RRP1B: variants seen among roughly 807,000 people sequenced by gnomAD.
RRP1B encodes ribosomal RNA processing protein 1 homolog B.
RRP1B carries 56 observed loss-of-function variants against 80.2 expected under a neutral mutation model. The ratio of observed to expected loss-of-function variants is 0.70; its 90% CI spans 0.56 to 0.87. The LOEUF (loss-of-function observed/expected upper bound fraction) is 0.87, where lower values mean the gene tolerates loss of function less well. Ranked by LOEUF, RRP1B falls within the 40% of genes least tolerant of loss-of-function variation. The pLI is 0.00. For synonymous variants in RRP1B, 351 were observed against 357.6 expected (o/e 0.98, Z 0.21); for missense variants, 807 against 939.8 (o/e 0.86, Z 1.85).
chr21:43,671,818 T>G (rs1349166488), intron 2 of RRP1B, among the ~76,000 whole-genome samples: 1 of 152,122 alleles, frequency 6.6e-6, no homozygotes, highest in Non-Finnish European at 1.5e-5. Context: ...CTCGAGTAGC[T>G]GGAACTACAG....
Position 43,695,824 on chromosome 21 carries a change from C to G in RRP1B, c.*2441C>G, listed in dbSNP as rs2147181738. 6.6e-6 allele frequency: 1 copy of G among 152,314 alleles called. No individual in the cohort carries two copies. The highest frequency in any genetic ancestry group is 2.1e-4 in the South Asian group (1 of 4,826). The allele number at this position is 152,314 out of a possible 1,614,324, so 9.4% of individuals were successfully genotyped here. ...TTGTACAATTAGGTATCTGACTTTA[C>G]AAGTTTGTTATCCTTTCTAATTTTT... On this transcript the variant is annotated 3_prime_UTR_variant, in exon 16 of 16. Coordinates refer to ENST00000340648, the MANE Select transcript of RRP1B (RefSeq NM_015056.3).
At chr21:43,663,184 G>T (rs1212326422) in intron 1 of RRP1B, among the ~76,000 whole-genome samples, 1 of 152,158 alleles carries the variant, frequency 6.6e-6, no homozygotes, top group Non-Finnish European at 1.5e-5. Context: ...TGGTGAGAGT[G>T]GCTGTTGGAT....
chr21:43,689,916 A>C (rs949325793), intron 13 of RRP1B, among the ~76,000 whole-genome samples: 1 of 152,266 alleles, frequency 6.6e-6, no homozygotes, highest in Non-Finnish European at 1.5e-5. Flanking sequence ...CCACATGGGC[A>C]TCACTGTCCT....
intron 13 of RRP1B, 66 bp downstream of exon 13, chr21:43,688,306 C>G: frequency 6.8e-7 from 1 of 1,463,614 alleles, no homozygotes; most frequent in Non-Finnish European, 9.1e-7. Context: ...TGGGGCTCCA[C>G]TGCCTCCTGA....
At chr21:43,676,125 A>T in intron 6 of RRP1B, 147 bp from the exon 7 acceptor site, 1 of 602,644 alleles carries the variant, frequency 1.7e-6, no homozygotes, top group Non-Finnish European at 2.9e-6. Context: ...CTTCTGTGGC[A>T]TTCCACAGGG....
In RRP1B at chr21:43,676,328, G is replaced by T. The variant is rs1568957248; in HGVS notation, c.606G>T (p.Lys202Asn). The T allele has an allele frequency of 6.2e-7, 1 of 1,610,514 alleles. No homozygotes were observed. Among genetic ancestry groups the T allele is most frequent in the Admixed American group, 1.7e-5 (1 of 59,826 alleles). ...FIDPFCKIAA[K>N]TKDHTLVQTI... is the part of the protein sequence containing the mutation. ...ATCCATTCTGCAAAATTGCTGCGAA[G>T]ACGAAGGAGTAAGTGATTCCCCTGT... Residue 202 changes from lysine to asparagine, a missense_variant, in exon 7 of 16, where the codon AAG becomes AAT. Transcript: ENST00000340648.
chr21:43,689,228 G>A (rs1462664511), intron 13 of RRP1B, among the ~76,000 whole-genome samples: 1 of 152,266 alleles, frequency 6.6e-6, no homozygotes, highest in Non-Finnish European at 1.5e-5. Flanking sequence ...TAGAGACAGA[G>A]ACCTGCGGTC....
rs563209058 is a variant in RRP1B, at chr21:43,691,660, G to C, written c.2083+158G>C. On this transcript the variant is annotated intron_variant, in intron 15 of 15. Transcript: ENST00000340648. The surrounding 1 kb of genome is among the most constrained non-coding windows in gnomAD (Gnocchi z 4.2). ...TTATTTTTTTTTTTTTTTTGAGACA[G>C]AGTCTCGCTGCTCTGTCACCCAGGC... is the stretch of plus-strand genomic sequence containing the variant. 5.5e-4 allele frequency among the ~76,000 whole-genome samples: 79 copies of C among 143,912 alleles called. 1 individual carries two copies. The South Asian group carries it at 0.017, about 31-fold the overall frequency. The allele number at this position is 143,912 out of a possible 152,430, so 94.4% of individuals were successfully genotyped here. A position where few individuals can be genotyped will look rare whatever the true frequency, so the allele number is the denominator to read the frequency against.
intron 1 of RRP1B, among the ~76,000 whole-genome samples, chr21:43,669,486 C>T (rs1249506192): frequency 6.6e-6 from 1 of 152,096 alleles, no homozygotes; most frequent in South Asian, 2.1e-4. Flanking sequence ...TTGAGCAGGT[C>T]CCCCGCATCT....
chr21:43,664,896 A>G (rs1348799598), intron 1 of RRP1B, among the ~76,000 whole-genome samples: 2 of 152,156 alleles, frequency 1.3e-5, no homozygotes, highest in African/African-American at 4.8e-5. Flanking sequence ...CGAGAACAGC[A>G]TGAGAAAAAC....
chr21:43,692,544 A>G, intron 15 of RRP1B, among the ~76,000 whole-genome samples: 1 of 151,744 alleles, frequency 6.6e-6, no homozygotes, highest in Non-Finnish European at 1.5e-5. Flanking sequence ...GGTTGCAGTG[A>G]GCCAAGATCG....
rs541299816 is a variant in RRP1B, at chr21:43,690,424, C to G, written c.2003C>G (p.Pro668Arg). 6.2e-7 allele frequency: 1 copy of G among 1,614,134 alleles called. No individual in the cohort carries two copies. Among genetic ancestry groups the G allele is most frequent in the African/African-American group, 1.3e-5 (1 of 75,060 alleles). Residue 668 changes from proline (P) to arginine (R), a missense_variant, in exon 14 of 16, where the codon CCA becomes CGA. By Grantham distance (103) the Pro-to-Arg change is moderately radical. Coordinates refer to ENST00000340648, the MANE Select transcript of RRP1B (RefSeq NM_015056.3). ...RAKSSTATHPPGPAVQLNKTP... is the reference protein window; with the variant it reads ...RAKSSTATHPRGPAVQLNKTP... ...AAGAGCAGCACTGCCACCCACCCTCCAGGCCCTGCCGTCCAGGTACGCACC... is the reference window on the plus strand; with the variant it reads ...AAGAGCAGCACTGCCACCCACCCTCGAGGCCCTGCCGTCCAGGTACGCACC...
intron 2 of RRP1B, among the ~76,000 whole-genome samples, chr21:43,671,239 G>A (rs1376541062): frequency 1.3e-5 from 2 of 152,156 alleles, no homozygotes; most frequent in African/African-American, 4.8e-5. Flanking sequence ...ATTCCACCTT[G>A]TCTCTGAGCA....
chr21:43,659,938 C>T lies in RRP1B; in HGVS notation c.130+144C>T, dbSNP rs2082942871. 3 of 933,966 alleles carry T rather than the reference C, an allele frequency of 3.2e-6. No individual in the cohort carries two copies. The highest frequency in any genetic ancestry group is 3.9e-5 in the Admixed American group (1 of 25,570). The allele number at this position is 933,966 out of a possible 1,614,324, so 57.9% of individuals were successfully genotyped here. On this transcript the variant is annotated intron_variant, in intron 1 of 15. Transcript: ENST00000340648. The surrounding 1 kb of genome is among the most constrained non-coding windows in gnomAD (Gnocchi z 4.2). ...TGCTTCGGTTTCCGCGCTGCCGGAA[C>T]CGCTTCTTGCTGTGTCTAGTGCCTT...
intron 8 of RRP1B, 45 bp downstream of exon 8, chr21:43,676,959 TCCTCCTCAGACAAA>T (rs1196735284): frequency 8.2e-6 from 13 of 1,576,380 alleles, no homozygotes; most frequent in Non-Finnish European, 1.1e-5. Flanking sequence ...TCTGCTAAAA[TCCTCCTCAGACAAA>T]CAGTTTTTAA....
Position 43,693,209 on chromosome 21 carries a change from G to C in RRP1B, c.2103G>C (p.Lys701Asn). Residue 701 changes from lysine (K) to asparagine (N), a missense_variant, in exon 16 of 16, where the codon AAG becomes AAC. Physicochemically the swap from Lys to Asn is moderately conservative, Grantham distance 94. Coordinates refer to ENST00000340648, the MANE Select transcript of RRP1B (RefSeq NM_015056.3). This position sits in a 1 kb window ranked among gnomAD's most constrained non-coding sequence, Gnocchi z 4.1. Reference sequence around the variant, plus strand: ...GGACAGAATTCAAGAAGACAGACAAGAGTATCTTGGTCAGTCCCACGGGCC... The same window carrying C: ...GGACAGAATTCAAGAAGACAGACAACAGTATCTTGGTCAGTCCCACGGGCC... ...NMTAEFKKTD[K>N]SILVSPTGPS... 1 of 1,614,012 alleles carries C rather than the reference G, an allele frequency of 6.2e-7. No homozygotes were observed.
intron 13 of RRP1B, among the ~76,000 whole-genome samples, chr21:43,688,843 G>T (rs2083074973): frequency 6.6e-6 from 1 of 152,218 alleles, no homozygotes; most frequent in South Asian, 2.1e-4. Context: ...AGGCTGGAGT[G>T]CGGTGGCACA....
rs369241742 is a variant in RRP1B at position 43,684,662 on chromosome 21, G to A, written c.989+12G>A. The A allele has an allele frequency of 2.4e-5, 38 of 1,601,824 alleles. No individual in the cohort carries two copies. The highest frequency in any genetic ancestry group is 1.3e-5 in the African/African-American group (1 of 74,672). On this transcript the variant is annotated intron_variant, in intron 10 of 15. Coordinates refer to ENST00000340648, the MANE Select transcript of RRP1B (RefSeq NM_015056.3). ...AAACTCATCAAGAAGTCAGTAACTG[G>A]GGAGAGGGTTCTGACATCATCATTC...
intron 11 of RRP1B, 28 bp from the exon 12 acceptor site, chr21:43,686,776 G>C (rs765106623): frequency 4.3e-6 from 7 of 1,613,178 alleles, no homozygotes; most frequent in Non-Finnish European, 5.9e-6. Flanking sequence ...GCCTGGGGAA[G>C]CTAACAGTGT....
Sources: gnomAD v4.1 joint callset for allele counts (sites outside exome capture counted in the v4.1 genomes callset) on GRCh38, gnomAD v4.1.1 for gene constraint, Gnocchi (gnomAD v3.1) non-coding constraint, MANE v1.5 for transcripts, NCBI Gene and HGNC (gene_info 2026-07-23, HGNC 2026-07-21) for gene names.